Variants in TFDP2 observed in about 807,000 individuals in gnomAD.
The protein encoded by TFDP2 is transcription factor Dp-2 (E2F dimerization partner 2).
TFDP2 carries 17 observed loss-of-function variants against 59.3 expected under a neutral mutation model. That is an observed-to-expected ratio of 0.29 (90% CI 0.20 to 0.43). The LOEUF is 0.43. Among genes scored for constraint, TFDP2 ranks in the 20% least tolerant of loss-of-function variants. The pLI is 1.00. For missense variants in TFDP2, 391 were observed against 528.8 expected, an observed-to-expected ratio of 0.74 and a Z score of 2.56; for synonymous variants, 180 against 194.7, an observed-to-expected ratio of 0.92 and a Z score of 0.63.
Position 142,149,368 on chromosome 3 carries a change from A to C in TFDP2, c.-278T>G. The C allele has an allele frequency of 7.9e-6, 3 of 381,862 alleles. No homozygotes were observed. The highest frequency in any genetic ancestry group is 1.4e-5 in the Non-Finnish European group (3 of 216,102). 23.7% of individuals were successfully genotyped at this position (381,862 alleles called of 1,614,324 possible). A position where few individuals can be genotyped will look rare whatever the true frequency, so the allele number is the denominator to read the frequency against. ...AGGAGTTTGAGGCCCCAGAACGCCA[A>C]CCGTGCGCGCGCCCTCGAGCCTGCC... On this transcript the variant is annotated 5_prime_UTR_variant, in exon 1 of 13. Coordinates refer to ENST00000489671, the MANE Select transcript of TFDP2 (RefSeq NM_001178139.2).
chr3:142,147,124 C>T (rs1250610199), intron 1 of TFDP2, among the ~76,000 whole-genome samples: 3 of 151,454 alleles, frequency 2.0e-5, no homozygotes, highest in South Asian at 2.1e-4. Context: ...TATAAATAGT[C>T]TCTCCAAAAA....
chr3:142,009,402 T>C (rs571415333), intron 3 of TFDP2, among the ~76,000 whole-genome samples: 13 of 152,160 alleles, frequency 8.5e-5, no homozygotes, highest in Non-Finnish European at 1.3e-4. Context: ...CTTGTAATTG[T>C]GCAACTGATT....
At position 141,953,664 on chromosome 3, in the gene TFDP2, G is replaced by C. The variant is rs543753796; in HGVS notation, c.1052-648C>G. Among the ~76,000 whole-genome samples the C allele has an allele frequency of 3.3e-4, 50 of 151,430 alleles. 1 individual carries two copies. Among genetic ancestry groups the C allele is most frequent in the African/African-American group, 1.1e-3 (47 of 41,260 alleles). On this transcript the variant is annotated intron_variant, in intron 11 of 12. Transcript: ENST00000489671. ...ATTATTATTATACTTTAAGTTTTAGGGTACATGTGCACAATGTGCAGGTTA... is the reference window on the plus strand; with the variant it reads ...ATTATTATTATACTTTAAGTTTTAGCGTACATGTGCACAATGTGCAGGTTA...
intron 3 of TFDP2, among the ~76,000 whole-genome samples, chr3:142,018,336 T>C (rs1022956903): frequency 3.3e-5 from 5 of 152,228 alleles, no homozygotes; most frequent in African/African-American, 1.2e-4. Context: ...GTTTTAGTAT[T>C]ACATATACTA....
intron 10 of TFDP2, among the ~76,000 whole-genome samples, chr3:141,963,186 T>C (rs1277584740): frequency 6.6e-6 from 1 of 152,210 alleles, no homozygotes; most frequent in Non-Finnish European, 1.5e-5. Context: ...AGAGAAACTT[T>C]TTCATGAATG....
chr3:142,059,196 C>T (rs1453959469), intron 3 of TFDP2, among the ~76,000 whole-genome samples: 4 of 152,128 alleles, frequency 2.6e-5, no homozygotes, highest in African/African-American at 9.7e-5. Flanking sequence ...TAAATTGATA[C>T]ATGTATCAAA....
chr3:142,055,800 G>A (rs1289121452), intron 3 of TFDP2, among the ~76,000 whole-genome samples: 1 of 151,998 alleles, frequency 6.6e-6, no homozygotes, highest in Non-Finnish European at 1.5e-5. Context: ...CTTGAATCTT[G>A]GAATTACTAG....
intron 3 of TFDP2, among the ~76,000 whole-genome samples, chr3:142,049,079 G>A (rs914239941): frequency 6.6e-6 from 1 of 152,184 alleles, no homozygotes; most frequent in African/African-American, 2.4e-5. Flanking sequence ...TTCATCCTCT[G>A]AAAATAGTGA....
At chr3:142,032,441 CT>C (rs1267796027) in intron 3 of TFDP2, among the ~76,000 whole-genome samples, 2 of 120,282 alleles carry the variant, frequency 1.7e-5, no homozygotes, top group African/African-American at 3.2e-5. Flanking sequence ...GCTCAATGCT[CT>C]TTTCTTCAAG....
chr3:142,122,335 C>T lies in TFDP2; in HGVS notation c.-92-20494G>A, dbSNP rs144892900. The stretch of plus-strand genomic sequence containing the variant: ...CCAGAGACGGGGTCCTCACTGCCAA[C>T]CAGCCAGCAAGAAACCTATCTCTAA... On this transcript the variant is annotated intron_variant, in intron 1 of 12. Coordinates refer to ENST00000489671, the MANE Select transcript of TFDP2 (RefSeq NM_001178139.2). Among the ~76,000 whole-genome samples, 6 of 152,242 alleles carry T rather than the reference C, an allele frequency of 3.9e-5. No individual in the cohort carries two copies. The East Asian group carries it at 7.7e-4, about 20-fold the overall frequency.
intron 3 of TFDP2, among the ~76,000 whole-genome samples, chr3:142,039,374 T>C (rs1417240172): frequency 6.6e-6 from 1 of 152,200 alleles, no homozygotes; most frequent in African/African-American, 2.4e-5. Flanking sequence ...CTGATGACCT[T>C]GACAGTTTTT....
intron 3 of TFDP2, among the ~76,000 whole-genome samples, chr3:142,016,398 A>C (rs566238313): frequency 9.0e-5 from 13 of 144,292 alleles, no homozygotes; most frequent in African/African-American, 3.4e-4. Context: ...TCCTGGGTTC[A>C]AGCAATTCTC....
chr3:142,137,218 T>C lies in TFDP2; in HGVS notation c.-93+11965A>G, dbSNP rs142630096. Among the ~76,000 whole-genome samples the C allele has an allele frequency of 3.4e-3, 516 of 152,368 alleles. 2 individuals are homozygous for C. Among genetic ancestry groups the C allele is most frequent in the African/African-American group, 0.012 (486 of 41,590 alleles). On this transcript the variant is annotated intron_variant, in intron 1 of 12. Transcript: ENST00000489671. ...GGTGTGTAGGAATGCTTGTGATTTCTGCACATTGATTTTGTATCCTGAGAC... is the reference window on the plus strand; with the variant it reads ...GGTGTGTAGGAATGCTTGTGATTTCCGCACATTGATTTTGTATCCTGAGAC...
At chr3:142,064,996 T>C (rs1359457151) in intron 3 of TFDP2, among the ~76,000 whole-genome samples, 4 of 152,172 alleles carry the variant, frequency 2.6e-5, no homozygotes, top group Non-Finnish European at 5.9e-5. Context: ...CAAACCACTA[T>C]TAATTTAAAT....
intron 3 of TFDP2, among the ~76,000 whole-genome samples, chr3:142,073,080 T>C (rs1349346483): frequency 6.6e-6 from 1 of 152,222 alleles, no homozygotes; most frequent in East Asian, 1.9e-4. Context: ...GTTGATAGTA[T>C]GTGCCTTAAT....
rs369018401 is a variant in TFDP2 at position 141,973,127 on chromosome 3, T to A, written c.663+921A>T. On this transcript the variant is annotated intron_variant, in intron 8 of 12. Coordinates refer to ENST00000489671, the MANE Select transcript of TFDP2 (RefSeq NM_001178139.2). ...TATATATATATATATATATATATTT[T>A]TTTTTTTTAAAGATGGAGTCTTGCT... Among the ~76,000 whole-genome samples the A allele has an allele frequency of 3.1e-3, 344 of 111,218 alleles. 2 individuals are homozygous for A. The highest frequency in any genetic ancestry group is 4.0e-3 in the African/African-American group (123 of 30,796). 73.0% of individuals were successfully genotyped at this position (111,218 alleles called of 152,430 possible). A position where few individuals can be genotyped will look rare whatever the true frequency, so the allele number is the denominator to read the frequency against.
intron 1 of TFDP2, among the ~76,000 whole-genome samples, chr3:142,138,391 G>C (rs533863699): frequency 6.6e-6 from 1 of 152,290 alleles, no homozygotes; most frequent in African/African-American, 2.4e-5. Flanking sequence ...TCTGATCTTA[G>C]TTATTTCTTG....
chr3:141,972,076 C>T (rs573147992), intron 8 of TFDP2, among the ~76,000 whole-genome samples: 1 of 152,234 alleles, frequency 6.6e-6, no homozygotes, highest in African/African-American at 2.4e-5. Context: ...CTAGTCTATA[C>T]TAGCAGTTTC....
At chr3:142,088,613 C>CT (rs112767886) in intron 3 of TFDP2, among the ~76,000 whole-genome samples, 172 of 123,968 alleles carry the variant, frequency 1.4e-3, no homozygotes, top group South Asian at 8.2e-3. Context: ...TTTTTTTTTT[C>CT]TTTTTTTTTT....
Sources: allele counts gnomAD v4.1 joint callset (sites outside exome capture counted in the v4.1 genomes callset), GRCh38; gene constraint gnomAD v4.1.1; transcripts MANE v1.5; gene names NCBI Gene and HGNC (gene_info 2026-07-23, HGNC 2026-07-21).